The following MCC variants were observed in gnomAD, a reference collection of about 807,000 sequenced individuals.
MCC encodes the protein colorectal mutant cancer protein.
Under a neutral mutation model 116.2 loss-of-function variants are expected in MCC, and 90 were observed. The observed-to-expected ratio is 0.77, with a 90% CI of 0.65 to 0.92. MCC has a LOEUF of 0.92. Ranked by LOEUF, MCC falls within the 40% of genes least tolerant of loss-of-function variation. The pLI, the probability that MCC is intolerant of heterozygous loss-of-function variation, is 0.00. For missense variants in MCC, 1,516 were observed against 1,312.2 expected, an observed-to-expected ratio of 1.16 and a Z score of -2.40; for synonymous variants, 578 against 510.5, an observed-to-expected ratio of 1.13 and a Z score of -1.78.
chr5:113,421,062 T>C (rs960262850), intron 1 of MCC, among the ~76,000 whole-genome samples: 9 of 152,112 alleles, frequency 5.9e-5, no homozygotes, highest in Non-Finnish European at 1.3e-4. Flanking sequence ...CTCACTCTGT[T>C]GCCTAGGCTG....
intron 11 of MCC, among the ~76,000 whole-genome samples, chr5:113,072,107 T>C (rs1267334610): frequency 6.6e-6 from 1 of 152,208 alleles, no homozygotes; most frequent in Middle Eastern, 3.2e-3. Flanking sequence ...CCACAAGTCA[T>C]TTTCCATGGA....
chr5:113,334,963 A>G (rs1252810203), intron 3 of MCC, among the ~76,000 whole-genome samples: 2 of 151,604 alleles, frequency 1.3e-5, no homozygotes, highest in Non-Finnish European at 2.9e-5. Context: ...AAATTCCAAT[A>G]TTTTATTTGT....
At chr5:113,138,165 C>T (rs1038418398) in intron 5 of MCC, among the ~76,000 whole-genome samples, 10 of 152,002 alleles carry the variant, frequency 6.6e-5, no homozygotes, top group African/African-American at 2.4e-4. Flanking sequence ...TATAGGCACG[C>T]ACCACCACGC....
At chr5:113,277,416 A>T (rs1411752631) in intron 3 of MCC, among the ~76,000 whole-genome samples, 2 of 151,720 alleles carry the variant, frequency 1.3e-5, no homozygotes, top group Admixed American at 6.6e-5. Context: ...AAAATACAAA[A>T]TTTTTTGTTT....
At chr5:113,378,002 C>A (rs746609893) in intron 2 of MCC, among the ~76,000 whole-genome samples, 1 of 152,078 alleles carries the variant, frequency 6.6e-6, no homozygotes, top group Non-Finnish European at 1.5e-5. Flanking sequence ...GCTCACTGGG[C>A]AGTATTTTTA....
chr5:113,251,248 T>C (rs998279369), intron 3 of MCC, among the ~76,000 whole-genome samples: 9 of 152,332 alleles, frequency 5.9e-5, no homozygotes, highest in African/African-American at 2.2e-4. Flanking sequence ...AGCCAAAAGG[T>C]ATTTTCTTCC....
intron 2 of MCC, among the ~76,000 whole-genome samples, chr5:113,384,678 A>T (rs1050286643): frequency 2.6e-5 from 4 of 152,264 alleles, no homozygotes; most frequent in African/African-American, 9.6e-5. Context: ...TGATGCAGTT[A>T]CTACCTTTCT....
intron 3 of MCC, among the ~76,000 whole-genome samples, chr5:113,245,290 CAAAAA>C (rs560902639): frequency 3.3e-5 from 3 of 90,886 alleles, no homozygotes; most frequent in Admixed American, 1.1e-4. Flanking sequence ...AACTCCATCT[CAAAAA>C]AAAAAAAAAA....
chr5:113,394,060 A>C (rs1769465811), intron 1 of MCC, among the ~76,000 whole-genome samples: 1 of 152,110 alleles, frequency 6.6e-6, no homozygotes, highest in South Asian at 2.1e-4. Flanking sequence ...GATACAATTG[A>C]CTGTCATATA....
chr5:113,188,647 T>C (rs1256640074), intron 3 of MCC, among the ~76,000 whole-genome samples: 1 of 152,202 alleles, frequency 6.6e-6, no homozygotes, highest in Non-Finnish European at 1.5e-5. Context: ...ACATCTAACC[T>C]GAATGTCACC....
intron 17 of MCC, among the ~76,000 whole-genome samples, chr5:113,042,385 G>A (rs1188960939): frequency 6.8e-6 from 1 of 146,800 alleles, no homozygotes; most frequent in African/African-American, 2.5e-5. Flanking sequence ...TGGGGTGGGA[G>A]GATCACTTGA....
At position 113,046,026 on chromosome 5, in the gene MCC, G is replaced by C. The variant is rs183885901; in HGVS notation, c.2656-2396C>G. ...CCTCATCCAGCAACAGCTAAGACCA[G>C]ATGAATAGCCCAGATGGGAGATTTT... is the stretch of plus-strand genomic sequence containing the variant. On this transcript the variant is annotated intron_variant, in intron 16 of 18. Transcript: ENST00000408903. 9.7e-4 allele frequency among the ~76,000 whole-genome samples: 147 copies of C among 152,080 alleles called. 2 individuals are homozygous for C. In the Middle Eastern group the frequency reaches 0.014, roughly 14 times the overall value.
At chr5:113,254,688 T>C (rs1275904967) in intron 3 of MCC, among the ~76,000 whole-genome samples, 1 of 152,220 alleles carries the variant, frequency 6.6e-6, no homozygotes. Context: ...GTTAATAACC[T>C]AGGATTCCAT....
chr5:113,291,721 T>C (rs1766501609), intron 3 of MCC, among the ~76,000 whole-genome samples: 1 of 152,126 alleles, frequency 6.6e-6, no homozygotes, highest in Non-Finnish European at 1.5e-5. Context: ...CAAAAGTGAA[T>C]GGCAACTTTG....
intron 8 of MCC, 95 bp downstream of exon 8, chr5:113,101,644 C>T: frequency 1.5e-6 from 2 of 1,311,976 alleles, no homozygotes; most frequent in African/African-American, 1.5e-5. Context: ...TTACAAATGC[C>T]ACAAAATTCT....
chr5:113,337,899 C>A (rs1767908505), intron 3 of MCC, among the ~76,000 whole-genome samples: 1 of 152,166 alleles, frequency 6.6e-6, no homozygotes, highest in Admixed American at 6.5e-5. Flanking sequence ...GCTCTACAGA[C>A]CCTTCTGAGT....
chr5:113,421,815 C>T lies in MCC; in HGVS notation c.171-36603G>A, dbSNP rs150403657. ...TAATTTCTATTTTCACTCAATTCCACGCTCCATGAGGCTCTGGAGTCCTTG... is the reference window on the plus strand; with the variant it reads ...TAATTTCTATTTTCACTCAATTCCATGCTCCATGAGGCTCTGGAGTCCTTG... On this transcript the variant is annotated intron_variant, in intron 1 of 18. Coordinates refer to ENST00000408903, the MANE Select transcript of MCC (RefSeq NM_001085377.2). Among the ~76,000 whole-genome samples the T allele has an allele frequency of 9.0e-4, 137 of 152,288 alleles. 1 individual carries two copies. In the East Asian group the frequency reaches 0.016, roughly 18 times the overall value.
chr5:113,124,458 T>C (rs7722357), intron 5 of MCC, among the ~76,000 whole-genome samples: 14,052 of 152,270 alleles, frequency 0.092, 919 homozygotes, highest in African/African-American at 0.18. Flanking sequence ...CGAGACTTTT[T>C]TGCAGCCAAG....
At chr5:113,295,287 T>C (rs915320822) in intron 3 of MCC, among the ~76,000 whole-genome samples, 1 of 152,094 alleles carries the variant, frequency 6.6e-6, no homozygotes, top group Admixed American at 6.5e-5. Context: ...CACGGTGCAC[T>C]TCTCACGGAA....
Sources: allele counts gnomAD v4.1 joint callset (sites outside exome capture counted in the v4.1 genomes callset), GRCh38; gene constraint gnomAD v4.1.1; transcripts MANE v1.5; gene names NCBI Gene and HGNC (gene_info 2026-07-23, HGNC 2026-07-21).